KIFBP: variants seen among roughly 807,000 people sequenced by gnomAD.
KIFBP encodes KIF-binding protein.
In KIFBP, 46 loss-of-function variants were observed where a neutral mutation model predicts 58.9. That is an observed-to-expected ratio of 0.78 (90% CI 0.62 to 1.00). KIFBP has a LOEUF of 1.00. Among genes scored for constraint, KIFBP ranks in the 50% least tolerant of loss-of-function variants. The pLI, the probability that KIFBP is intolerant of heterozygous loss-of-function variation, is 0.00. For synonymous variants in KIFBP, 241 were observed against 283.4 expected (o/e 0.85, Z 1.50); for missense variants, 651 against 752.9 (o/e 0.86, Z 1.58).
intron 1 of KIFBP, among the ~76,000 whole-genome samples, chr10:68,996,108 AGATCATGTCACAG>A (rs1214040156): frequency 6.6e-6 from 1 of 152,038 alleles, no homozygotes; most frequent in Non-Finnish European, 1.5e-5. Flanking sequence ...CAGTGAGCCA[AGATCATGTCACAG>A]CACTCCAGAC....
intron 5 of KIFBP, 97 bp downstream of exon 5, chr10:69,009,022 TCATATGCCCTTCTAAATGCA>T: frequency 1.1e-6 from 1 of 911,328 alleles, no homozygotes; most frequent in South Asian, 1.4e-5. Flanking sequence ...AGAAGAGCTA[TCATATGCCCTTCTAAATGCA>T]CCAATTTTTA....
At position 69,015,837 on chromosome 10, in the gene KIFBP, G is replaced by GT; in HGVS notation, c.1290dup (p.Lys431Ter). ...AAGTTGTCCAAGACCACAGTGCTCT[G>GT]TTTAAGGTGCTTGCATTCTTTGAAA... On this transcript the variant is annotated frameshift_variant, in exon 7 of 7. Transcript: ENST00000361983. LOFTEE classifies it high-confidence loss of function. The GT allele has an allele frequency of 6.2e-7, 1 of 1,614,182 alleles. No homozygotes were observed. The highest frequency in any genetic ancestry group is 8.5e-7 in the Non-Finnish European group (1 of 1,180,044).
chr10:68,990,813 A>G lies in KIFBP; in HGVS notation c.426+1555A>G, dbSNP rs146761252. On this transcript the variant is annotated intron_variant, in intron 1 of 6. Coordinates refer to ENST00000361983, the MANE Select transcript of KIFBP (RefSeq NM_015634.4). ...TGCAACAGAGTGAGACCCTGTCTCA[A>G]AAAGCAAAGAAAAGGAAAACAATAT... Among the ~76,000 whole-genome samples, 924 of 152,270 alleles carry G rather than the reference A, an allele frequency of 6.1e-3. 6 individuals are homozygous for G. The highest frequency in any genetic ancestry group is 9.4e-3 in the Non-Finnish European group (638 of 68,030).
chr10:68,992,919 G>C (rs1843365275), intron 1 of KIFBP, among the ~76,000 whole-genome samples: 1 of 152,110 alleles, frequency 6.6e-6, no homozygotes, highest in Non-Finnish European at 1.5e-5. Context: ...TCACAGTAGG[G>C]TTGGGGAGGG....
At position 69,005,854 on chromosome 10, in the gene KIFBP, C is replaced by G. The variant is rs141052402; in HGVS notation, c.728C>G (p.Ala243Gly). 2.3e-5 allele frequency: 37 copies of G among 1,614,092 alleles called. No individual in the cohort carries two copies. In the African/African-American group the frequency reaches 4.0e-4, roughly 17 times the overall value. Residue 243 changes from alanine (A) to glycine (G), a missense_variant, in exon 4 of 7, where the codon GCC becomes GGC. Ala to Gly is a moderately conservative substitution (Grantham distance 60). Transcript: ENST00000361983. Reference sequence around the variant, plus strand: ...CTAAAACGCCAGCTTGAGCACAATGCCTACCATCCTATAGAGTGGGCTATC... The same window carrying G: ...CTAAAACGCCAGCTTGAGCACAATGGCTACCATCCTATAGAGTGGGCTATC... Reference protein sequence around the residue: ...STLKRQLEHNAYHPIEWAINA... With the variant: ...STLKRQLEHNGYHPIEWAINA...
At chr10:68,990,828 GA>G (rs1220205676) in intron 1 of KIFBP, among the ~76,000 whole-genome samples, 1 of 151,846 alleles carries the variant, frequency 6.6e-6, no homozygotes, top group Non-Finnish European at 1.5e-5. Flanking sequence ...CAAAGAAAAG[GA>G]AAACAATATA....
intron 3 of KIFBP, among the ~76,000 whole-genome samples, chr10:69,005,407 G>C (rs1034082425): frequency 6.6e-6 from 1 of 152,126 alleles, no homozygotes; most frequent in African/African-American, 2.4e-5. Context: ...TCCGGACACG[G>C]TGGCTTACAC....
At chr10:69,012,255 G>A (rs1169129560) in intron 6 of KIFBP, among the ~76,000 whole-genome samples, 2 of 152,106 alleles carry the variant, frequency 1.3e-5, no homozygotes, top group Non-Finnish European at 2.9e-5. Context: ...GGAGATAATA[G>A]TACTTAATAC....
chr10:69,004,804 G>A (rs1265753712), intron 2 of KIFBP, among the ~76,000 whole-genome samples: 1 of 152,098 alleles, frequency 6.6e-6, no homozygotes, highest in Non-Finnish European at 1.5e-5. Context: ...ATCGGGAGAC[G>A]GAGGTTACAG....
chr10:68,994,980 C>T (rs1356716990), intron 1 of KIFBP, among the ~76,000 whole-genome samples: 1 of 151,834 alleles, frequency 6.6e-6, no homozygotes, highest in African/African-American at 2.4e-5. Context: ...TCATGTGAAC[C>T]TTTCACCTCA....
chr10:69,005,129 A>C lies in KIFBP; in HGVS notation c.605+4A>C, dbSNP rs762423629. On this transcript the variant is annotated splice_donor_region_variant and intron_variant, in intron 3 of 6. Transcript: ENST00000361983. ...CTGAACAAGAGAGATCAAAAAGGTG[A>C]GTAGGTATAGAAATCAGCCCTTGCA... 3.8e-6 allele frequency: 6 copies of C among 1,596,246 alleles called. No individual in the cohort carries two copies. In the East Asian group the frequency reaches 1.1e-4, roughly 30 times the overall value.
Position 69,005,676 on chromosome 10 carries a change from A to G in KIFBP, c.606-56A>G, listed in dbSNP as rs117821577. 33 of 729,690 alleles carry G rather than the reference A, an allele frequency of 4.5e-5. No individual in the cohort carries two copies. In the African/African-American group the frequency reaches 4.8e-4, roughly 11 times the overall value. 45.2% of individuals were successfully genotyped at this position (729,690 alleles called of 1,614,324 possible). On this transcript the variant is annotated intron_variant, in intron 3 of 6. Coordinates refer to ENST00000361983, the MANE Select transcript of KIFBP (RefSeq NM_015634.4). Reference sequence around the variant, plus strand: ...CAACAGAGCGAGACTCTGTCTCAGGAAAAAAAAAAAACAAGTAAACCATTA... The same window carrying G: ...CAACAGAGCGAGACTCTGTCTCAGGGAAAAAAAAAAACAAGTAAACCATTA...
rs560130949 is a variant in KIFBP at position 68,996,304 on chromosome 10, T to C, written c.427-4120T>C. ...GGCCGGGTGTGGTGGCTGACGCCTG[T>C]AATCCCAGCATTTTGGGAGGCTGAG... is the stretch of plus-strand genomic sequence containing the variant. On this transcript the variant is annotated intron_variant, in intron 1 of 6. Coordinates refer to ENST00000361983, the MANE Select transcript of KIFBP (RefSeq NM_015634.4). 5.9e-5 allele frequency among the ~76,000 whole-genome samples: 9 copies of C among 152,326 alleles called. No individual in the cohort carries two copies. The East Asian group carries it at 1.2e-3, about 20-fold the overall frequency.
In KIFBP at chr10:69,008,391, A is replaced by AATATATAT. The variant is rs1173764355; in HGVS notation, c.790-429_790-422dup. Among the ~76,000 whole-genome samples, 414 of 71,548 alleles carry AATATATAT rather than the reference A, an allele frequency of 5.8e-3. 6 individuals are homozygous for AATATATAT. The highest frequency in any genetic ancestry group is 8.2e-3 in the Non-Finnish European group (340 of 41,546). 46.9% of individuals were successfully genotyped at this position (71,548 alleles called of 152,430 possible). On this transcript the variant is annotated intron_variant, in intron 4 of 6. Transcript: ENST00000361983. ...CCCCTGTCTCGTAAAAAAAAAAAAAAATATATATATATATATATATATATA... is the reference window on the plus strand; with the variant it reads ...CCCCTGTCTCGTAAAAAAAAAAAAAAATATATATATATATATATATATATATATATATA...
chr10:69,009,241 G>A (rs751945821), intron 5 of KIFBP, among the ~76,000 whole-genome samples: 13 of 151,852 alleles, frequency 8.6e-5, no homozygotes, highest in Admixed American at 6.6e-4. Context: ...GGTGGCCCAC[G>A]CCTGTAATGC....
chr10:68,994,984 C>T (rs1325269592), intron 1 of KIFBP, among the ~76,000 whole-genome samples: 1 of 151,838 alleles, frequency 6.6e-6, no homozygotes, highest in African/African-American at 2.4e-5. Context: ...GTGAACCTTT[C>T]ACCTCAGCCT....
At position 69,015,830 on chromosome 10, in the gene KIFBP, G is replaced by A; in HGVS notation, c.1280G>A (p.Ser427Asn). 1 of 1,614,210 alleles carries A rather than the reference G, an allele frequency of 6.2e-7. No individual in the cohort carries two copies. Among genetic ancestry groups the A allele is most frequent in the Non-Finnish European group, 8.5e-7 (1 of 1,180,044 alleles). Residue 427 changes from serine to asparagine, a missense_variant, in exon 7 of 7, where the codon AGT becomes AAT. Physicochemically the swap from Ser to Asn is conservative, Grantham distance 46. Transcript: ENST00000361983. ...TDHIEVVQDH[S>N]ALFKVLAFFE... ...CATATTGAAGTTGTCCAAGACCACA[G>A]TGCTCTGTTTAAGGTGCTTGCATTC...
rs773495989 is a variant in KIFBP, at chr10:68,988,892, G to C, written c.60G>C (p.Ser20=). The part of the protein sequence containing the change: ...CEKFQAALAL[S]RVELHKNPEK... Reference sequence around the variant, plus strand: ...AATTCCAGGCGGCGCTCGCTCTGTCGCGGGTGGAACTGCATAAAAATCCGG... The same window carrying C: ...AATTCCAGGCGGCGCTCGCTCTGTCCCGGGTGGAACTGCATAAAAATCCGG... The change falls in exon 1 of 7, where the codon TCG becomes TCC. Residue 20 remains serine, a synonymous_variant. Transcript: ENST00000361983. 17 of 1,614,150 alleles carry C rather than the reference G, an allele frequency of 1.1e-5. No individual in the cohort carries two copies. The highest frequency in any genetic ancestry group is 1.0e-5 in the Non-Finnish European group (12 of 1,180,060).
chr10:68,999,198 G>T (rs1843437838), intron 1 of KIFBP, among the ~76,000 whole-genome samples: 1 of 151,704 alleles, frequency 6.6e-6, no homozygotes, highest in South Asian at 2.1e-4. Flanking sequence ...CCCAGGTTCA[G>T]GCAGTTCTCG....
Sources: gnomAD v4.1 joint callset for allele counts (sites outside exome capture counted in the v4.1 genomes callset) on GRCh38, gnomAD v4.1.1 for gene constraint, MANE v1.5 for transcripts, NCBI Gene and HGNC (gene_info 2026-07-23, HGNC 2026-07-21) for gene names.